Variants in GPC3 observed in about 807,000 individuals in gnomAD.
The protein encoded by GPC3 is glypican 3.
GPC3 carries 3 observed loss-of-function variants against 34.4 expected under a neutral mutation model. That is an observed-to-expected ratio of 0.09 (90% confidence interval 0.04 to 0.23). The LOEUF (loss-of-function observed/expected upper bound fraction) is 0.23, where lower values mean the gene tolerates loss of function less well. GPC3 is among the 10% of genes least tolerant of loss of function. The pLI is 1.00. For synonymous variants in GPC3, 177 were observed against 174.0 expected (o/e 1.02, Z -0.13); for missense variants, 351 against 445.6 (o/e 0.79, Z 1.91).
In GPC3 at chrX:133,654,892, AT is replaced by A. The variant is rs376856519; in HGVS notation, c.1413+6837del. 2.0e-4 allele frequency among the ~76,000 whole-genome samples: 22 copies of A among 111,529 alleles called. 1 individual carries two copies. Among genetic ancestry groups the A allele is most frequent in the African/African-American group, 6.2e-4 (19 of 30,648 alleles). On this transcript the variant is annotated intron_variant, in intron 6 of 7. Transcript: ENST00000370818. Reference sequence around the variant, plus strand: ...TTTCATATGTAGAACTTGTCTTTCCATTGCTAACATGTCCAGTTAAAAATAT... The same window carrying A: ...TTTCATATGTAGAACTTGTCTTTCCATGCTAACATGTCCAGTTAAAAATAT...
At chrX:133,908,489 G>C (rs2076180875) in intron 2 of GPC3, among the ~76,000 whole-genome samples, 1 of 111,530 alleles carries the variant, frequency 9.0e-6, no homozygotes. Flanking sequence ...ACATAGCAAG[G>C]GAACCTAACC....
At chrX:133,783,998 T>C (rs1258698625) in intron 2 of GPC3, among the ~76,000 whole-genome samples, 4 of 111,786 alleles carry the variant, frequency 3.6e-5, no homozygotes, top group African/African-American at 9.8e-5. Context: ...AGCAACTCTT[T>C]AGTAACGAGA....
chrX:133,618,030 GA>G (rs2070185819), intron 6 of GPC3, among the ~76,000 whole-genome samples: 1 of 112,109 alleles, frequency 8.9e-6, no homozygotes, highest in African/African-American at 3.2e-5. Flanking sequence ...TTATCCTTTA[GA>G]TTTTCAGTAG....
At chrX:133,541,575 A>T (rs968771472) in intron 7 of GPC3, among the ~76,000 whole-genome samples, 1 of 112,382 alleles carries the variant, frequency 8.9e-6, no homozygotes, top group Non-Finnish European at 1.9e-5. Context: ...CAACATCTGT[A>T]CTAATTACAC....
In GPC3 at chrX:133,876,273, C is replaced by T. The variant is rs114370512; in HGVS notation, c.337+76777G>A. ...AATGGCATTGGCCTAAAACAGAATA[C>T]GGACGCTGTTAACACTTGAAGGGCT... On this transcript the variant is annotated intron_variant, in intron 2 of 7. Transcript: ENST00000370818. 8.6e-3 allele frequency among the ~76,000 whole-genome samples: 961 copies of T among 111,858 alleles called. 18 individuals carry two copies. Among genetic ancestry groups the T allele is most frequent in the African/African-American group, 0.03 (920 of 30,833 alleles).
In GPC3 at chrX:133,699,922, T is replaced by G. The variant is rs1201293547; in HGVS notation, c.1139A>C (p.His380Pro). The G allele has an allele frequency of 8.3e-7, 1 of 1,204,284 alleles. No individual in the cohort carries two copies. Residue 380 changes from histidine to proline, a missense_variant, in exon 4 of 8, where the codon CAT becomes CCT. By Grantham distance (77) the His-to-Pro change is moderately conservative (BLOSUM62 -2). Transcript: ENST00000370818. ...KKVLKVAHVE[H>P]EETLSSRRRE... ...TCTTCGGCTGGATAAGGTTTCTTCA[T>G]GTTCTACATGAGCAACTTTTAATAC...
intron 5 of GPC3, among the ~76,000 whole-genome samples, chrX:133,662,595 C>T (rs2070737111): frequency 8.9e-6 from 1 of 112,504 alleles, no homozygotes; most frequent in Non-Finnish European, 1.9e-5. Context: ...GTTTTGCCAA[C>T]TTCAACTGGG....
At chrX:133,539,979 A>G (rs191930250) in intron 7 of GPC3, among the ~76,000 whole-genome samples, 229 of 112,841 alleles carry the variant, frequency 2.0e-3, no homozygotes, top group Non-Finnish European at 3.2e-3. Context: ...CAAGCATCAC[A>G]GTTGAGGGTT....
At chrX:133,906,986 A>T (rs2076170883) in intron 2 of GPC3, among the ~76,000 whole-genome samples, 2 of 110,105 alleles carry the variant, frequency 1.8e-5, no homozygotes, top group South Asian at 8.0e-4. Flanking sequence ...CTGTAGTCCC[A>T]GCTACTCGGG....
chrX:133,942,579 C>T (rs1388835466), intron 2 of GPC3, among the ~76,000 whole-genome samples: 4 of 111,823 alleles, frequency 3.6e-5, no homozygotes, highest in African/African-American at 6.5e-5. Context: ...GTATGCAAGA[C>T]GATATGTCAA....
chrX:133,772,039 C>T (rs750042494), intron 2 of GPC3, among the ~76,000 whole-genome samples: 7 of 111,464 alleles, frequency 6.3e-5, no homozygotes, highest in Non-Finnish European at 9.4e-5. Context: ...CCCTCTTTTC[C>T]CTGTGTCCCT....
chrX:133,593,330 CAAAAAAAAAAAAAAAAAAAAAAGT>C (rs1230495705), intron 7 of GPC3, among the ~76,000 whole-genome samples: 3 of 9,894 alleles, frequency 3.0e-4, no homozygotes, highest in South Asian at 5.5e-3. Context: ...GAGACTGTCT[CAAAAAAAAAAAAAAAAAAAAAAGT>C]AAAAAAAAAA....
At chrX:133,977,371 A>C (rs904926375) in intron 1 of GPC3, among the ~76,000 whole-genome samples, 2 of 112,441 alleles carry the variant, frequency 1.8e-5, no homozygotes, top group African/African-American at 6.5e-5. Context: ...AACCAAATGC[A>C]ATTGGGACAT....
chrX:133,909,665 G>T (rs959445560), intron 2 of GPC3, among the ~76,000 whole-genome samples: 1 of 111,092 alleles, frequency 9.0e-6, no homozygotes, highest in African/African-American at 3.3e-5. Flanking sequence ...AGTTTGTTTG[G>T]TATTAAAAAA....
At position 133,810,140 on chromosome X, in the gene GPC3, T is replaced by C. The variant is rs766831503; in HGVS notation, c.338-55964A>G. ...CTCATTCTCATCTCTCACCCAGAAG[T>C]ACAAGCTCAAGTTCATTATCGAAGG... is the stretch of plus-strand genomic sequence containing the variant. On this transcript the variant is annotated intron_variant, in intron 2 of 7. Coordinates refer to ENST00000370818, the MANE Select transcript of GPC3 (RefSeq NM_004484.4). 2.7e-5 allele frequency among the ~76,000 whole-genome samples: 3 copies of C among 112,300 alleles called. No homozygotes were observed. The South Asian group carries it at 1.1e-3, about 42-fold the overall frequency.
At chrX:133,624,385 A>G (rs2070273133) in intron 6 of GPC3, among the ~76,000 whole-genome samples, 1 of 111,804 alleles carries the variant, frequency 8.9e-6, no homozygotes, top group South Asian at 3.8e-4. Context: ...GTTTTTTGAA[A>G]AGATCAACAG....
intron 7 of GPC3, among the ~76,000 whole-genome samples, chrX:133,546,896 A>C (rs1291092773): frequency 8.9e-6 from 1 of 112,595 alleles, no homozygotes; most frequent in Non-Finnish European, 1.9e-5. Context: ...TACTATTCAC[A>C]ATAGCCCAGC....
Position 133,646,360 on chromosome X carries a change from T to A in GPC3, c.1413+15370A>T, listed in dbSNP as rs747215340. On this transcript the variant is annotated intron_variant, in intron 6 of 7. Coordinates refer to ENST00000370818, the MANE Select transcript of GPC3 (RefSeq NM_004484.4). ...GTAGGTCCAGGGAATATACTGAAAG[T>A]AGAGAGGATCACAGACCCATCTGTC... 2.7e-5 allele frequency among the ~76,000 whole-genome samples: 3 copies of A among 112,142 alleles called. No individual in the cohort carries two copies. The South Asian group carries it at 1.1e-3, about 42-fold the overall frequency.
At chrX:133,611,837 T>G (rs1312972923) in intron 6 of GPC3, among the ~76,000 whole-genome samples, 1 of 112,028 alleles carries the variant, frequency 8.9e-6, no homozygotes, top group Non-Finnish European at 1.9e-5. Flanking sequence ...TTTTCATGTT[T>G]CTGGAGAGAG....
Sources: allele counts gnomAD v4.1 joint callset (sites outside exome capture counted in the v4.1 genomes callset), GRCh38; gene constraint gnomAD v4.1.1; transcripts MANE v1.5; gene names NCBI Gene and HGNC (gene_info 2026-07-23, HGNC 2026-07-21).